Variants in GNA14 observed in about 807,000 individuals in gnomAD.
GNA14 encodes the protein G protein subunit alpha 14.
GNA14 carries 50 observed loss-of-function variants against 42.0 expected under a neutral mutation model. The ratio of observed to expected loss-of-function variants is 1.19; its 90% CI spans 0.95 to 1.51. The LOEUF (loss-of-function observed/expected upper bound fraction) is 1.51. GNA14 is among the 40% of genes most tolerant of loss of function. The pLI is 0.00. For missense variants in GNA14, 473 were observed against 446.2 expected, an observed-to-expected ratio of 1.06 and a Z score of -0.54; for synonymous variants, 173 against 163.1, an observed-to-expected ratio of 1.06 and a Z score of -0.46.
At chr9:77,557,354 G>A (rs553847191) in intron 1 of GNA14, among the ~76,000 whole-genome samples, 316 of 152,240 alleles carry the variant, frequency 2.1e-3, no homozygotes, top group African/African-American at 2.2e-3. Flanking sequence ...TTATTCCTAC[G>A]AGCAATTATG....
chr9:77,504,856 C>G (rs745863611), intron 2 of GNA14, among the ~76,000 whole-genome samples: 1 of 151,804 alleles, frequency 6.6e-6, no homozygotes, highest in East Asian at 1.9e-4. Flanking sequence ...TTAGTAGAGA[C>G]GGGGTTTCAT....
At chr9:77,550,251 G>T (rs1837773022) in intron 1 of GNA14, among the ~76,000 whole-genome samples, 2 of 152,202 alleles carry the variant, frequency 1.3e-5, no homozygotes, top group Middle Eastern at 3.4e-3. Context: ...TTTTATCCAG[G>T]ATATGCTCTT....
At chr9:77,515,528 C>G (rs1040323092) in intron 2 of GNA14, among the ~76,000 whole-genome samples, 3 of 152,164 alleles carry the variant, frequency 2.0e-5, no homozygotes, top group Admixed American at 1.3e-4. Context: ...CTTAAAATGC[C>G]AAAACTATGT....
At chr9:77,555,313 C>T (rs1822757521) in intron 1 of GNA14, among the ~76,000 whole-genome samples, 1 of 152,096 alleles carries the variant, frequency 6.6e-6, no homozygotes, top group Non-Finnish European at 1.5e-5. Flanking sequence ...CAAAACCAGC[C>T]TGACCAACAT....
intron 2 of GNA14, among the ~76,000 whole-genome samples, chr9:77,487,737 G>A (rs1043813329): frequency 6.6e-6 from 1 of 152,170 alleles, no homozygotes; most frequent in Admixed American, 6.5e-5. Flanking sequence ...GTAAATAGCA[G>A]TAAGAATATT....
At chr9:77,500,014 A>G (rs958483315) in intron 2 of GNA14, among the ~76,000 whole-genome samples, 5 of 151,546 alleles carry the variant, frequency 3.3e-5, no homozygotes, top group African/African-American at 9.7e-5. Context: ...CAAATTTCTG[A>G]TAATTTCTTT....
intron 4 of GNA14, 54 bp from the exon 5 acceptor site, chr9:77,429,090 G>A: frequency 6.4e-7 from 1 of 1,567,000 alleles, no homozygotes. Flanking sequence ...ACACTTCGGG[G>A]AAAAAGGACA....
At chr9:77,509,311 T>C (rs1837122170) in intron 2 of GNA14, among the ~76,000 whole-genome samples, 1 of 152,260 alleles carries the variant, frequency 6.6e-6, no homozygotes, top group Non-Finnish European at 1.5e-5. Context: ...TCATATTCCA[T>C]TGCATGTATA....
chr9:77,644,378 A>G lies in GNA14; in HGVS notation c.124+3292T>C, dbSNP rs2118042838. ...CTGAGGTGGGAGGATGCTTGAGCCC[A>G]GGAGGTCAAGGCCGTAGGAAGCCGT... On this transcript the variant is annotated intron_variant, in intron 1 of 6. Coordinates refer to ENST00000341700, the MANE Select transcript of GNA14 (RefSeq NM_004297.4). Among the ~76,000 whole-genome samples the G allele has an allele frequency of 1.4e-5, 2 of 144,220 alleles. 1 individual carries two copies. Among genetic ancestry groups the G allele is most frequent in the Middle Eastern group, 7.0e-3 (2 of 286 alleles). 94.6% of individuals were successfully genotyped at this position (144,220 alleles called of 152,430 possible). A position where few individuals can be genotyped will look rare whatever the true frequency, so the allele number is the denominator to read the frequency against.
At chr9:77,601,877 T>A (rs1489486370) in intron 1 of GNA14, among the ~76,000 whole-genome samples, 1 of 152,256 alleles carries the variant, frequency 6.6e-6, no homozygotes, top group South Asian at 2.1e-4. Flanking sequence ...ACTTCAATGC[T>A]TTCCAGGGCC....
At chr9:77,602,369 A>C (rs935118130) in intron 1 of GNA14, among the ~76,000 whole-genome samples, 1 of 152,172 alleles carries the variant, frequency 6.6e-6, no homozygotes, top group Non-Finnish European at 1.5e-5. Flanking sequence ...CTTGTTCACC[A>C]TTTTCTGACC....
intron 1 of GNA14, among the ~76,000 whole-genome samples, chr9:77,578,153 G>A (rs1051924154): frequency 3.3e-5 from 5 of 152,174 alleles, no homozygotes; most frequent in East Asian, 1.9e-4. Context: ...GCACACACCC[G>A]TAGTCCCAGC....
At chr9:77,544,439 A>AC (rs1837695347) in intron 1 of GNA14, among the ~76,000 whole-genome samples, 1 of 152,164 alleles carries the variant, frequency 6.6e-6, no homozygotes, top group Non-Finnish European at 1.5e-5. Context: ...ATGGTGTCTC[A>AC]CGCCTGTAAT....
intron 1 of GNA14, among the ~76,000 whole-genome samples, chr9:77,606,784 A>T (rs1823651177): frequency 6.6e-6 from 1 of 152,172 alleles, no homozygotes; most frequent in Admixed American, 6.5e-5. Flanking sequence ...TCCCTCCCAA[A>T]GGTCATGTGT....
chr9:77,487,428 A>G (rs1043454641), intron 2 of GNA14, among the ~76,000 whole-genome samples: 3 of 152,240 alleles, frequency 2.0e-5, no homozygotes, highest in African/African-American at 7.2e-5. Context: ...GGGAGCTTTA[A>G]CTAGTCAATT....
chr9:77,523,467 C>A (rs1837389965), intron 2 of GNA14, among the ~76,000 whole-genome samples: 1 of 152,140 alleles, frequency 6.6e-6, no homozygotes, highest in Non-Finnish European at 1.5e-5. Flanking sequence ...CCGGATGGTG[C>A]TAAACCATTC....
chr9:77,498,394 AAAAG>A (rs1836910902), intron 2 of GNA14, among the ~76,000 whole-genome samples: 21 of 148,114 alleles, frequency 1.4e-4, no homozygotes, highest in African/African-American at 5.3e-4. Context: ...AAAAAGAAAA[AAAAG>A]AAAAAGAAAA....
intron 3 of GNA14, among the ~76,000 whole-genome samples, chr9:77,433,369 A>ATTTAT (rs1554686403): frequency 6.6e-6 from 1 of 151,892 alleles, no homozygotes; most frequent in African/African-American, 2.4e-5. Context: ...CCGGGATATT[A>ATTTAT]TTATTTATTT....
chr9:77,574,591 G>T (rs1206473407), intron 1 of GNA14, among the ~76,000 whole-genome samples: 1 of 152,078 alleles, frequency 6.6e-6, no homozygotes, highest in African/African-American at 2.4e-5. Context: ...ACTTAAAATG[G>T]GTAGAAACAA....
Sources: gnomAD v4.1 joint callset for allele counts (sites outside exome capture counted in the v4.1 genomes callset) on GRCh38, gnomAD v4.1.1 for gene constraint, MANE v1.5 for transcripts, NCBI Gene and HGNC (gene_info 2026-07-23, HGNC 2026-07-21) for gene names.